Variants in SETD7 observed in about 807,000 individuals in gnomAD.
SETD7 encodes the protein SET domain containing 7, histone lysine methyltransferase.
SETD7 carries 16 observed loss-of-function variants against 41.8 expected under a neutral mutation model. That is an observed-to-expected ratio of 0.38 (90% CI 0.26 to 0.58). The LOEUF (loss-of-function observed/expected upper bound fraction) is 0.58. Ranked by LOEUF, SETD7 falls within the 20% of genes least tolerant of loss-of-function variation. The pLI, the probability that SETD7 is intolerant of heterozygous loss-of-function variation, is 0.64. For missense variants in SETD7, 346 were observed against 459.7 expected (o/e 0.75, Z 2.26); for synonymous variants, 163 against 169.7 (o/e 0.96, Z 0.31).
downstream of SETD7, among the ~76,000 whole-genome samples, chr4:139,493,380 A>G (rs935640549): frequency 3.3e-5 from 5 of 152,192 alleles, no homozygotes; most frequent in African/African-American, 1.2e-4. Context: ...TTTGAGGAAC[A>G]GAAGGTCTGG....
At chr4:139,515,611 T>C (rs1488936347) in intron 7 of SETD7, among the ~76,000 whole-genome samples, 1 of 152,250 alleles carries the variant, frequency 6.6e-6, no homozygotes, top group East Asian at 1.9e-4. Context: ...GCCTTGGAGT[T>C]AATCACAGTG....
chr4:139,513,772 T>C (rs906049950), intron 7 of SETD7, among the ~76,000 whole-genome samples: 2 of 152,194 alleles, frequency 1.3e-5, no homozygotes, highest in Non-Finnish European at 2.9e-5. Flanking sequence ...TCCCATAGGG[T>C]CTTTGTCATG....
At chr4:139,534,045 A>C (rs1458621645) in intron 2 of SETD7, among the ~76,000 whole-genome samples, 47 of 152,284 alleles carry the variant, frequency 3.1e-4, no homozygotes, top group Non-Finnish European at 7.4e-5. Context: ...CAAGTAAGGA[A>C]GACTGAATGC....
Position 139,555,721 on chromosome 4 carries a change from T to G in SETD7, c.40+377A>C, listed in dbSNP as rs1560696428. Among the ~76,000 whole-genome samples, 1 of 151,700 alleles carries G rather than the reference T, an allele frequency of 6.6e-6. No homozygotes were observed. The highest frequency in any genetic ancestry group is 6.6e-5 in the Admixed American group (1 of 15,254). On this transcript the variant is annotated intron_variant, in intron 1 of 7. Coordinates refer to ENST00000274031, the MANE Select transcript of SETD7 (RefSeq NM_030648.4). The surrounding 1 kb of genome is among the most constrained non-coding windows in gnomAD (Gnocchi z 4.0). ...TGGGCTAGGGGATTGCTCCGCGGAG[T>G]CCGCCGGCCTCAAGGGGCTGCCCTG...
In SETD7 at chr4:139,508,508, C is replaced by G. The variant is rs767053903; in HGVS notation, c.*3155G>C. 1 of 152,206 alleles carries G rather than the reference C, an allele frequency of 6.6e-6. No homozygotes were observed. The highest frequency in any genetic ancestry group is 1.5e-5 in the Non-Finnish European group (1 of 68,050). The allele number at this position is 152,206 out of a possible 1,614,324, so 9.4% of individuals were successfully genotyped here. A position where few individuals can be genotyped will look rare whatever the true frequency, so the allele number is the denominator to read the frequency against. On this transcript the variant is annotated 3_prime_UTR_variant, in exon 8 of 8. Transcript: ENST00000274031. ...TACAGGTTAGTTCCTATTCCTAACT[C>G]TAACACAAGATAATATTTCATCACA...
Position 139,529,146 on chromosome 4 carries a change from AG to A in SETD7, c.446del (p.Pro149LeufsTer16). Reference protein sequence around the residue: ...MTGEKIAYVYPDERTALYGKF... With the variant: ...MTGEKIAYVYXDERTALYGKF... ...TCCCATAAAGTGCGGTCCTCTCATCAGGGTACACATAGGCTATCTTCTCTCC... is the reference window on the plus strand; with the variant it reads ...TCCCATAAAGTGCGGTCCTCTCATCAGGTACACATAGGCTATCTTCTCTCC... On this transcript the variant is annotated frameshift_variant, in exon 4 of 8. Coordinates refer to ENST00000274031, the MANE Select transcript of SETD7 (RefSeq NM_030648.4). LOFTEE classifies it high-confidence loss of function. The A allele has an allele frequency of 6.2e-7, 1 of 1,614,084 alleles. No individual in the cohort carries two copies. Among genetic ancestry groups the A allele is most frequent in the Non-Finnish European group, 8.5e-7 (1 of 1,179,972 alleles).
At chr4:139,513,318 G>A (rs910242804) in intron 7 of SETD7, among the ~76,000 whole-genome samples, 1 of 151,794 alleles carries the variant, frequency 6.6e-6, no homozygotes, top group Non-Finnish European at 1.5e-5. Context: ...TACTTGGGAG[G>A]CTGAAGCACG....
chr4:139,509,761 G>C lies in SETD7; in HGVS notation c.*1902C>G, dbSNP rs1726818551. ...GTGTATAGAACGGTCTCTTTCTACA[G>C]AGTAAGAGTGACCCTATCCTGGTGC... On this transcript the variant is annotated 3_prime_UTR_variant, in exon 8 of 8. Transcript: ENST00000274031. The C allele has an allele frequency of 3.0e-6, 3 of 985,416 alleles. No homozygotes were observed. Among genetic ancestry groups the C allele is most frequent in the Non-Finnish European group, 3.6e-6 (3 of 829,922 alleles). 61.0% of individuals were successfully genotyped at this position (985,416 alleles called of 1,614,324 possible).
In SETD7 at chr4:139,523,408, G is replaced by A; in HGVS notation, c.590C>T (p.Thr197Ile). 6.2e-7 allele frequency: 1 copy of A among 1,613,596 alleles called. No individual in the cohort carries two copies. The highest frequency in any genetic ancestry group is 8.5e-7 in the Non-Finnish European group (1 of 1,179,570). ...AGCATTGGTAGAAATGCAAGATGAA[G>A]TCGACTTATCAAAGTGGTACACTGA... ...GNSVYHFDKS[T>I]SSCISTNALL... Residue 197 changes from threonine to isoleucine, a missense_variant, in exon 5 of 8, where the codon ACT becomes ATT. By Grantham distance (89) the Thr-to-Ile change is moderately conservative. Around this residue, in one of 3 missense-constraint regions of SETD7, gnomAD observed 266 missense variants for 377.0 expected, o/e 0.71. Transcript: ENST00000274031.
rs1727948569 is a variant in SETD7, at chr4:139,546,422, C to T, written c.170+498G>A. The T allele has an allele frequency of 1.9e-5, 4 of 214,794 alleles. No homozygotes were observed. The South Asian group carries it at 2.0e-4, about 11-fold the overall frequency. The allele number at this position is 214,794 out of a possible 1,614,324, so 13.3% of individuals were successfully genotyped here. ...TGAAGCAGAAGAACCAACAAGGTGG[C>T]AGAATCTTGCTTCGGGGTACTAAGA... On this transcript the variant is annotated intron_variant, in intron 2 of 7. Transcript: ENST00000274031.
At chr4:139,540,725 A>T (rs961222840) in intron 2 of SETD7, among the ~76,000 whole-genome samples, 4 of 152,194 alleles carry the variant, frequency 2.6e-5, no homozygotes, top group Non-Finnish European at 5.9e-5. Flanking sequence ...TTTGGCCTCA[A>T]TCAGAACTGT....
intron 7 of SETD7, among the ~76,000 whole-genome samples, chr4:139,498,164 T>C (rs1560669418): frequency 6.6e-6 from 1 of 152,220 alleles, no homozygotes; most frequent in Non-Finnish European, 1.5e-5. Flanking sequence ...AAGCATGTCT[T>C]TTAATGCTGA....
downstream of SETD7, among the ~76,000 whole-genome samples, chr4:139,501,783 G>T (rs1275626908): frequency 6.6e-6 from 1 of 152,146 alleles, no homozygotes; most frequent in African/African-American, 2.4e-5. Context: ...AAACAATCGA[G>T]AACACACAAT....
intron 7 of SETD7, 144 bp downstream of exon 7, chr4:139,517,741 T>A: frequency 1.3e-6 from 1 of 782,906 alleles, no homozygotes; most frequent in Non-Finnish European, 1.9e-6. Context: ...TTTCAAGTCA[T>A]AACCCTGAGG....
intron 1 of SETD7, among the ~76,000 whole-genome samples, chr4:139,548,789 A>C (rs935148899): frequency 6.6e-6 from 1 of 152,186 alleles, no homozygotes; most frequent in Non-Finnish European, 1.5e-5. Flanking sequence ...CATCTACTTA[A>C]ATAAATCATA....
At chr4:139,550,213 T>C (rs1240898647) in intron 1 of SETD7, among the ~76,000 whole-genome samples, 2 of 152,116 alleles carry the variant, frequency 1.3e-5, no homozygotes, top group Non-Finnish European at 2.9e-5. Flanking sequence ...AGGAGCCCTA[T>C]CATCATCTTA....
At chr4:139,497,229 C>T (rs1726472867) in intron 7 of SETD7, among the ~76,000 whole-genome samples, 1 of 151,962 alleles carries the variant, frequency 6.6e-6, no homozygotes, top group Admixed American at 6.6e-5. Flanking sequence ...CCGAGGTGGG[C>T]GAATCACCCA....
chr4:139,542,986 A>G (rs1164275757), intron 2 of SETD7, among the ~76,000 whole-genome samples: 1 of 152,184 alleles, frequency 6.6e-6, no homozygotes, highest in Non-Finnish European at 1.5e-5. Context: ...CTACACTGTG[A>G]TTTTCCTTGT....
chr4:139,522,741 C>CTTTTTTTTTTTTTTTT (rs11357611), intron 5 of SETD7, among the ~76,000 whole-genome samples: 2 of 93,450 alleles, frequency 2.1e-5, no homozygotes, highest in African/African-American at 4.4e-5. Flanking sequence ...CCCAGCTGCT[C>CTTTTTTTTTTTTTTTT]TTTTTTTTTT....
Sources: gnomAD v4.1 joint callset for allele counts (sites outside exome capture counted in the v4.1 genomes callset) on GRCh38, gnomAD v4.1.1 for gene constraint, gnomAD v4.1.1 regional missense constraint, Gnocchi (gnomAD v3.1) non-coding constraint, MANE v1.5 for transcripts, NCBI Gene and HGNC (gene_info 2026-07-23, HGNC 2026-07-21) for gene names.